The following ANK3 variants were observed in gnomAD, a reference collection of about 807,000 sequenced individuals.
ANK3 encodes ankyrin 3.
A neutral mutation model predicts 370.9 loss-of-function variants in ANK3; 57 were observed. That is an observed-to-expected ratio of 0.15 (90% confidence interval 0.12 to 0.19). ANK3 has a LOEUF of 0.19. ANK3 is among the 10% of genes least tolerant of loss of function. The pLI, the probability that ANK3 is intolerant of heterozygous loss-of-function variation, is 1.00. For synonymous variants in ANK3, 1,929 were observed against 1,946.3 expected, an observed-to-expected ratio of 0.99 and a Z score of 0.23; for missense variants, 4,439 against 5,302.1, an observed-to-expected ratio of 0.84 and a Z score of 5.06.
intron 1 of ANK3, among the ~76,000 whole-genome samples, chr10:60,656,942 T>C (rs563084258): frequency 1.4e-5 from 2 of 137,970 alleles, no homozygotes; most frequent in East Asian, 3.9e-4. Context: ...TGGTGGTTTT[T>C]TGTTTTTTGT....
chr10:60,502,777 AAAG>A (rs1403984681), intron 2 of ANK3, among the ~76,000 whole-genome samples: 5 of 149,074 alleles, frequency 3.4e-5, no homozygotes, highest in African/African-American at 1.2e-4. Context: ...AAAAGAAAGA[AAAG>A]AAAGAAAGAA....
intron 2 of ANK3, chr10:60,572,811 T>G (rs2133269398): frequency 8.4e-7 from 1 of 1,192,092 alleles, no homozygotes; most frequent in East Asian, 4.2e-5. Context: ...CATTTTTAAC[T>G]AATCGTTACC....
chr10:60,721,826 T>C (rs923668997), intron 1 of ANK3, among the ~76,000 whole-genome samples: 1 of 152,200 alleles, frequency 6.6e-6, no homozygotes, highest in African/African-American at 2.4e-5. Flanking sequence ...TTCTGCAAAA[T>C]AGCATGTACT....
At chr10:60,307,673 C>G (rs2045445843) in intron 1 of ANK3, among the ~76,000 whole-genome samples, 2 of 152,046 alleles carry the variant, frequency 1.3e-5, no homozygotes, top group Non-Finnish European at 2.9e-5. Context: ...GCTGTGGACT[C>G]CCATGAACCT....
intron 2 of ANK3, among the ~76,000 whole-genome samples, chr10:60,565,071 G>A (rs2077425897): frequency 6.6e-6 from 1 of 151,926 alleles, no homozygotes; most frequent in Non-Finnish European, 1.5e-5. Flanking sequence ...TGGTCCAATG[G>A]AACATATAGT....
chr10:60,254,218 T>C (rs578174713), intron 7 of ANK3, among the ~76,000 whole-genome samples: 2 of 146,332 alleles, frequency 1.4e-5, no homozygotes, highest in Non-Finnish European at 3.0e-5. Context: ...TTCTATGTTG[T>C]ATTCTTTTTT....
intron 7 of ANK3, among the ~76,000 whole-genome samples, chr10:60,242,314 C>G (rs562784208): frequency 6.6e-6 from 1 of 152,272 alleles, no homozygotes; most frequent in African/African-American, 2.4e-5. Flanking sequence ...CTTCATCACA[C>G]CGCTCTACAG....
At chr10:60,166,225 G>A (rs972196187) in intron 23 of ANK3, among the ~76,000 whole-genome samples, 5 of 151,894 alleles carry the variant, frequency 3.3e-5, no homozygotes, top group Admixed American at 6.6e-5. Flanking sequence ...AGGAAACTTC[G>A]CTTGTTTTAA....
chr10:60,278,660 T>C (rs569381372), intron 4 of ANK3, 114 bp downstream of exon 4: 202 of 851,096 alleles, frequency 2.4e-4, no homozygotes, highest in Non-Finnish European at 2.8e-4. Context: ...TTTTTAAATA[T>C]AGTTCTTAAG....
intron 7 of ANK3, among the ~76,000 whole-genome samples, chr10:60,259,502 C>T (rs1164300410): frequency 6.6e-6 from 1 of 152,172 alleles, no homozygotes; most frequent in African/African-American, 2.4e-5. Context: ...TATATGGTAA[C>T]TCAGGAAGGT....
intron 1 of ANK3, among the ~76,000 whole-genome samples, chr10:60,330,514 A>T (rs1052307500): frequency 5.3e-5 from 8 of 152,080 alleles, no homozygotes; most frequent in Non-Finnish European, 7.4e-5. Flanking sequence ...AACAAACATG[A>T]AAAAAAAGCT....
intron 2 of ANK3, among the ~76,000 whole-genome samples, chr10:60,576,035 T>C (rs531377390): frequency 1.3e-5 from 2 of 152,334 alleles, no homozygotes; most frequent in South Asian, 4.1e-4. Flanking sequence ...AAATGTTAAC[T>C]ACTTTGCGGC....
chr10:60,130,030 C>T (rs2093979592), intron 25 of ANK3, among the ~76,000 whole-genome samples: 1 of 152,126 alleles, frequency 6.6e-6, no homozygotes, highest in Non-Finnish European at 1.5e-5. Context: ...GATTTTGTGT[C>T]ACTTAATTCT....
chr10:60,723,926 G>A (rs1291026169), intron 1 of ANK3, among the ~76,000 whole-genome samples: 1 of 151,906 alleles, frequency 6.6e-6, no homozygotes, highest in Non-Finnish European at 1.5e-5. Flanking sequence ...GTAAAGAAAT[G>A]GAGGCTGGGC....
At chr10:60,088,092 T>C (rs2087160750) in intron 29 of ANK3, 55 bp downstream of exon 29, 3 of 1,402,966 alleles carry the variant, frequency 2.1e-6, no homozygotes, top group Non-Finnish European at 3.0e-6. Context: ...GAGCAAAACA[T>C]GCACTCACAT....
intron 2 of ANK3, among the ~76,000 whole-genome samples, chr10:60,501,987 A>G (rs1057465891): frequency 2.6e-5 from 4 of 152,036 alleles, no homozygotes; most frequent in Non-Finnish European, 4.4e-5. Flanking sequence ...GACTCTGTCC[A>G]TTATGCAGGG....
At chr10:60,397,675 G>A (rs748941970) in intron 2 of ANK3, among the ~76,000 whole-genome samples, 4 of 152,136 alleles carry the variant, frequency 2.6e-5, no homozygotes, top group Non-Finnish European at 5.9e-5. Flanking sequence ...GTTTTGGAAG[G>A]CAAATTGGAA....
In ANK3 at chr10:60,226,485, A is replaced by G. The variant is rs1300759618; in HGVS notation, c.897+8203T>C. Among the ~76,000 whole-genome samples the G allele has an allele frequency of 1.1e-4, 9 of 80,632 alleles. No homozygotes were observed. In the South Asian group the frequency reaches 1.9e-3, roughly 17 times the overall value. 52.9% of individuals were successfully genotyped at this position (80,632 alleles called of 152,430 possible). On this transcript the variant is annotated intron_variant, in intron 8 of 43. Transcript: ENST00000280772. ...TATATACATAGTATATATACTATAT[A>G]TATACATATACTATAGTATATATAC...
chr10:60,353,386 T>C (rs2057242553), intron 1 of ANK3, among the ~76,000 whole-genome samples: 1 of 152,064 alleles, frequency 6.6e-6, no homozygotes, highest in Admixed American at 6.6e-5. Flanking sequence ...TAGAATATCT[T>C]TTCATTACTT....
Sources: allele counts gnomAD v4.1 joint callset (sites outside exome capture counted in the v4.1 genomes callset), GRCh38; gene constraint gnomAD v4.1.1; transcripts MANE v1.5; gene names NCBI Gene and HGNC (gene_info 2026-07-23, HGNC 2026-07-21).